Variants in CPSF7 observed in about 807,000 individuals in gnomAD.
CPSF7 encodes cleavage and polyadenylation specific factor 7.
CPSF7 carries 1 observed loss-of-function variant against 44.3 expected under a neutral mutation model. The ratio of observed to expected loss-of-function variants is 0.02; its 90% CI spans 0.01 to 0.11. The LOEUF (loss-of-function observed/expected upper bound fraction) is 0.11. CPSF7 is among the 10% of genes least tolerant of loss of function. The pLI is 1.00. For synonymous variants in CPSF7, 202 were observed against 222.0 expected (o/e 0.91, Z 0.80); for missense variants, 443 against 607.2 (o/e 0.73, Z 2.84).
chr11:61,408,395 C>T (rs1859529115), intron 9 of CPSF7, among the ~76,000 whole-genome samples: 1 of 152,058 alleles, frequency 6.6e-6, no homozygotes. Context: ...GTGTGAGCCA[C>T]CGTGCTCGGC....
chr11:61,408,219 G>A (rs921472418), intron 9 of CPSF7, among the ~76,000 whole-genome samples: 13 of 151,962 alleles, frequency 8.6e-5, no homozygotes, highest in Non-Finnish European at 1.6e-4. Context: ...ACCATGCCCG[G>A]CTAATTTTTT....
chr11:61,429,785 C>T, intron 1 of CPSF7, 129 bp downstream of exon 1: 3 of 1,548,254 alleles, frequency 1.9e-6, no homozygotes, highest in Non-Finnish European at 2.6e-6. Flanking sequence ...CCTCCTCCCT[C>T]AAAAGGCCCG....
At chr11:61,429,037 T>A (rs967020924) in intron 2 of CPSF7, 145 bp downstream of exon 2, 3 of 554,480 alleles carry the variant, frequency 5.4e-6, no homozygotes, top group Non-Finnish European at 9.9e-6. Flanking sequence ...GTGTAGTCTT[T>A]AAAGTTTCTG....
rs1248303139 is a variant in CPSF7 at position 61,429,253 on chromosome 11, C to G, written c.-18G>C. On this transcript the variant is annotated 5_prime_UTR_variant, in exon 2 of 10. Transcript: ENST00000439958. ...TCTGACATGGCTCCGGAAGGAAGAT[C>G]GCGAGTCCGGAGGATGGACAAAGTA... 6.2e-7 allele frequency: 1 copy of G among 1,613,472 alleles called. No individual in the cohort carries two copies. The highest frequency in any genetic ancestry group is 1.3e-5 in the African/African-American group (1 of 74,910).
At chr11:61,409,038 G>A (rs1859598454) in intron 9 of CPSF7, among the ~76,000 whole-genome samples, 1 of 151,946 alleles carries the variant, frequency 6.6e-6, no homozygotes. Context: ...CCCTCAGGAG[G>A]CTGAGGCAGG....
intron 2 of CPSF7, among the ~76,000 whole-genome samples, chr11:61,426,165 T>C (rs1861319325): frequency 1.3e-5 from 2 of 152,086 alleles, no homozygotes; most frequent in Non-Finnish European, 2.9e-5. Flanking sequence ...CTAGGAAAAA[T>C]ATTAATTTTC....
intron 9 of CPSF7, among the ~76,000 whole-genome samples, chr11:61,408,057 C>CTTTTTTTTTT (rs111594039): frequency 3.6e-5 from 5 of 137,750 alleles, no homozygotes; most frequent in African/African-American, 1.4e-4. Context: ...TCAAGGACAT[C>CTTTTTTTTTT]TTTTTTTTTT....
chr11:61,418,004 A>C (rs1458120212), intron 5 of CPSF7, among the ~76,000 whole-genome samples: 1 of 152,228 alleles, frequency 6.6e-6, no homozygotes, highest in Non-Finnish European at 1.5e-5. Context: ...ATACAGTTGT[A>C]AAATTACATA....
chr11:61,407,057 C>T (rs1859401705), intron 9 of CPSF7, among the ~76,000 whole-genome samples: 1 of 152,202 alleles, frequency 6.6e-6, no homozygotes, highest in Non-Finnish European at 1.5e-5. Flanking sequence ...AGGCATGAGC[C>T]ACTGTGCCTG....
chr11:61,421,973 A>T (rs912435241), intron 2 of CPSF7, among the ~76,000 whole-genome samples: 1 of 152,250 alleles, frequency 6.6e-6, no homozygotes, highest in Non-Finnish European at 1.5e-5. Flanking sequence ...TAAGCTAATG[A>T]AAACTTATTT....
chr11:61,425,036 G>C (rs1360616845), intron 2 of CPSF7, among the ~76,000 whole-genome samples: 1 of 152,184 alleles, frequency 6.6e-6, no homozygotes, highest in East Asian at 1.9e-4. Flanking sequence ...CTTAAGAATA[G>C]GATAGACTAG....
chr11:61,411,819 A>G lies in CPSF7; in HGVS notation c.1176T>C (p.His392=). 6.2e-7 allele frequency: 1 copy of G among 1,613,966 alleles called. No individual in the cohort carries two copies. The highest frequency in any genetic ancestry group is 8.5e-7 in the Non-Finnish European group (1 of 1,179,938). The change falls in exon 8 of 10, where the codon CAT becomes CAC. Residue 392 remains histidine (H), a synonymous_variant. Transcript: ENST00000439958. ...CACTGTAGGACTTGGCTTCGATGCC[A>G]TGAAGACAGTCCTTAAGAGAGGAGA... ...VLISSLKDCL[H]GIEAKSYSVG...
chr11:61,426,655 T>C (rs954833432), intron 2 of CPSF7: 1 of 152,268 alleles, frequency 6.6e-6, no homozygotes, highest in Non-Finnish European at 1.5e-5. Flanking sequence ...CAATGAGTTC[T>C]GCGTATTTCT....
chr11:61,405,160 G>C (rs1299476464), intron 9 of CPSF7, among the ~76,000 whole-genome samples: 1 of 152,162 alleles, frequency 6.6e-6, no homozygotes, highest in African/African-American at 2.4e-5. Flanking sequence ...AGGTTTAGTG[G>C]TAAGAAAACA....
At chr11:61,421,346 T>C (rs1247863469) in intron 3 of CPSF7, 44 bp downstream of exon 3, 2 of 1,521,100 alleles carry the variant, frequency 1.3e-6, no homozygotes, top group South Asian at 2.3e-5. Flanking sequence ...CCCAGTGCTC[T>C]CCCTCCAGCC....
chr11:61,412,032 G>T, intron 7 of CPSF7, 95 bp from the exon 8 acceptor site: 1 of 1,112,944 alleles, frequency 9.0e-7, no homozygotes, highest in Non-Finnish European at 1.3e-6. Flanking sequence ...ACCAAGAGTA[G>T]CTAGCCGTCC....
At chr11:61,404,777 T>C (rs1292413185) in intron 9 of CPSF7, 73 bp from the exon 10 acceptor site, 1 of 152,182 alleles carries the variant, frequency 6.6e-6, no homozygotes, top group Non-Finnish European at 1.5e-5. Flanking sequence ...CAGGGGCTTA[T>C]ATAAAACACA....
At chr11:61,423,132 G>A (rs7930736) in intron 2 of CPSF7, among the ~76,000 whole-genome samples, 10 of 101,834 alleles carry the variant, frequency 9.8e-5, no homozygotes, top group Middle Eastern at 0.012. Flanking sequence ...AAAAAAAAAG[G>A]GTTCAGGATT....
chr11:61,417,623 G>T (rs536967946), intron 5 of CPSF7, among the ~76,000 whole-genome samples: 32 of 152,350 alleles, frequency 2.1e-4, no homozygotes, highest in African/African-American at 7.0e-4. Flanking sequence ...CAACCACCTA[G>T]ATTTCTCTTA....
Sources: gnomAD v4.1 joint callset for allele counts (sites outside exome capture counted in the v4.1 genomes callset) on GRCh38, gnomAD v4.1.1 for gene constraint, MANE v1.5 for transcripts, NCBI Gene and HGNC (gene_info 2026-07-23, HGNC 2026-07-21) for gene names.